Variants in LAMA3 observed in about 807,000 individuals in gnomAD.
LAMA3 encodes the protein laminin subunit alpha-3.
In LAMA3, 281 loss-of-function variants were observed where a neutral mutation model predicts 402.0. The observed-to-expected ratio is 0.70, with a 90% CI of 0.63 to 0.77. LAMA3 has a LOEUF of 0.77. Ranked by LOEUF, LAMA3 falls within the 30% of genes least tolerant of loss-of-function variation. LAMA3 has a pLI of 0.00. For synonymous variants in LAMA3, 1,431 were observed against 1,558.4 expected, an observed-to-expected ratio of 0.92 and a Z score of 1.93; for missense variants, 3,840 against 4,215.5, an observed-to-expected ratio of 0.91 and a Z score of 2.47.
intron 11 of LAMA3, among the ~76,000 whole-genome samples, chr18:23,778,398 G>A (rs2062367529): frequency 1.3e-5 from 2 of 152,134 alleles, no homozygotes. Context: ...AGAAACCCAA[G>A]CAAGGAAAAT....
intron 44 of LAMA3, 88 bp downstream of exon 44, chr18:23,895,146 C>T (rs2080837357): frequency 7.0e-7 from 1 of 1,433,996 alleles, no homozygotes; most frequent in African/African-American, 1.4e-5. Flanking sequence ...AAGGTTGACT[C>T]CTGGAAAGGC....
At chr18:23,812,202 C>G (rs1235709678) in intron 13 of LAMA3, among the ~76,000 whole-genome samples, 2 of 152,132 alleles carry the variant, frequency 1.3e-5, no homozygotes, top group Admixed American at 6.5e-5. Context: ...AATAACCGGG[C>G]ATGGTGGTGC....
chr18:23,750,976 C>A lies in LAMA3; in HGVS notation c.743C>A (p.Thr248Asn). The A allele has an allele frequency of 1.9e-6, 3 of 1,614,142 alleles. No individual in the cohort carries two copies. The highest frequency in any genetic ancestry group is 2.5e-6 in the Non-Finnish European group (3 of 1,179,998). Residue 248 changes from threonine (T) to asparagine (N), a missense_variant, in exon 5 of 75, where the codon ACC (threonine) becomes AAC (asparagine). By Grantham distance (65) the Thr-to-Asn change is moderately conservative. Coordinates refer to ENST00000313654, the MANE Select transcript of LAMA3 (RefSeq NM_198129.4). ...PGAKNFTFSH[T>N]LREFTKATNI... ...GCAAAAAATTTTACTTTCTCTCACA[C>A]CCTGAGGGAGTTTACCAAGGCAACA...
At chr18:23,886,423 T>A (rs1008319727) in intron 41 of LAMA3, among the ~76,000 whole-genome samples, 3 of 152,146 alleles carry the variant, frequency 2.0e-5, no homozygotes, top group Non-Finnish European at 4.4e-5. Context: ...GATTATTTCA[T>A]GTGATCCAGA....
intron 64 of LAMA3, 32 bp from the exon 65 acceptor site, chr18:23,931,030 T>G (rs751884969): frequency 6.3e-7 from 1 of 1,594,222 alleles, no homozygotes; most frequent in East Asian, 2.2e-5. Context: ...ATATGCAAAT[T>G]AGTTGATGGG....
chr18:23,855,369 G>A (rs2064049538), intron 32 of LAMA3, among the ~76,000 whole-genome samples: 1 of 152,188 alleles, frequency 6.6e-6, no homozygotes, highest in Non-Finnish European at 1.5e-5. Context: ...CTTCTGTTCT[G>A]AGGCTTCTCT....
At chr18:23,790,214 T>A (rs1318900004) in intron 12 of LAMA3, among the ~76,000 whole-genome samples, 1 of 152,172 alleles carries the variant, frequency 6.6e-6, no homozygotes, top group Non-Finnish European at 1.5e-5. Context: ...GGGCTATTCT[T>A]CTAAGGCTGA....
intron 66 of LAMA3, among the ~76,000 whole-genome samples, chr18:23,933,219 A>C (rs1173893883): frequency 6.6e-6 from 1 of 152,146 alleles, no homozygotes; most frequent in Non-Finnish European, 1.5e-5. Context: ...GTATTTCCAC[A>C]TGACACCCAT....
chr18:23,815,222 A>G lies in LAMA3; in HGVS notation c.1923A>G (p.Gly641=), dbSNP rs748523148. The change falls in exon 16 of 75, where the codon GGA becomes GGG. Residue 641 remains glycine, a synonymous_variant. Transcript: ENST00000313654. ...CKCHKAGTVS[G]TGECRQGDGD... ...GCCATAAGGCGGGAACAGTGAGTGG[A>G]ACTGGAGAGTGTAGGCAGGTAAAGT... is the stretch of plus-strand genomic sequence containing the variant. 1 of 1,614,144 alleles carries G rather than the reference A, an allele frequency of 6.2e-7. No homozygotes were observed. Among genetic ancestry groups the G allele is most frequent in the Non-Finnish European group, 8.5e-7 (1 of 1,179,982 alleles).
intron 35 of LAMA3, among the ~76,000 whole-genome samples, chr18:23,863,947 A>C (rs942834986): frequency 3.9e-5 from 6 of 152,222 alleles, no homozygotes; most frequent in Non-Finnish European, 8.8e-5. Flanking sequence ...CACCTGCTGG[A>C]GTTGTCAGCC....
At chr18:23,784,372 A>G (rs12958312) in intron 12 of LAMA3, among the ~76,000 whole-genome samples, 1 of 151,978 alleles carries the variant, frequency 6.6e-6, no homozygotes, top group South Asian at 2.1e-4. Context: ...AGTTAAGCAC[A>G]TGGACTCTGA....
intron 39 of LAMA3, among the ~76,000 whole-genome samples, chr18:23,881,208 T>C (rs1204825289): frequency 6.6e-6 from 1 of 152,198 alleles, no homozygotes; most frequent in Non-Finnish European, 1.5e-5. Context: ...GAAGAACAAA[T>C]TTCATTAGAC....
chr18:23,863,690 C>T lies in LAMA3; in HGVS notation c.4585-1095C>T, dbSNP rs368414334. On this transcript the variant is annotated intron_variant, in intron 35 of 74. Transcript: ENST00000313654. ...TCTGTTGAATGGGATCCTAGAAGAGCGTGGCTTCTTTCCCCTGCCTGCTCT... is the reference window on the plus strand; with the variant it reads ...TCTGTTGAATGGGATCCTAGAAGAGTGTGGCTTCTTTCCCCTGCCTGCTCT... 8.9e-4 allele frequency among the ~76,000 whole-genome samples: 136 copies of T among 152,296 alleles called. 4 individuals are homozygous for T. In the South Asian group the frequency reaches 0.025, roughly 27 times the overall value.
chr18:23,838,882 A>ACACATTACCTTTGAT lies in LAMA3; in HGVS notation c.3191+4_3191+5insCACATTACCTTTGAT. ...ATGGGCGATTTGTCAATCAAAGGTAATGTGTTTCCTTCCTGTCTCCCCGTT... is the reference window on the plus strand; with the variant it reads ...ATGGGCGATTTGTCAATCAAAGGTAACACATTACCTTTGATTGTGTTTCCTTCCTGTCTCCCCGTT... On this transcript the variant is annotated splice_donor_region_variant and intron_variant, in intron 26 of 74. Transcript: ENST00000313654. 6.4e-7 allele frequency: 1 copy of ACACATTACCTTTGAT among 1,561,678 alleles called. No homozygotes were observed. Among genetic ancestry groups the ACACATTACCTTTGAT allele is most frequent in the Non-Finnish European group, 8.8e-7 (1 of 1,132,106 alleles).
At chr18:23,690,021 C>T in intron 1 of LAMA3, 44 bp downstream of exon 1, 15 of 1,336,962 alleles carry the variant, frequency 1.1e-5, no homozygotes, top group Non-Finnish European at 6.8e-6. Flanking sequence ...CCTTTTCCTT[C>T]CCGCGCCGGC....
At chr18:23,885,828 G>C (rs560772626) in intron 41 of LAMA3, among the ~76,000 whole-genome samples, 12 of 152,010 alleles carry the variant, frequency 7.9e-5, no homozygotes, top group African/African-American at 2.9e-4. Context: ...GCACTCAAAC[G>C]CTTTCACATA....
chr18:23,799,811 G>A (rs1008764819), intron 12 of LAMA3, among the ~76,000 whole-genome samples: 5 of 152,202 alleles, frequency 3.3e-5, no homozygotes, highest in African/African-American at 9.6e-5. Context: ...TCTGAAATCC[G>A]TAGGTTGGAC....
chr18:23,876,618 G>C (rs576846340), intron 39 of LAMA3, among the ~76,000 whole-genome samples: 1 of 152,348 alleles, frequency 6.6e-6, no homozygotes, highest in African/African-American at 2.4e-5. Context: ...GAGCGCTGCT[G>C]TCTGAGCAAT....
intron 16 of LAMA3, 112 bp downstream of exon 16, chr18:23,815,352 C>A: frequency 1.5e-6 from 2 of 1,352,760 alleles, no homozygotes; most frequent in Non-Finnish European, 2.1e-6. Flanking sequence ...CATGGTAATC[C>A]TTTCCAGATC....
Sources: allele counts gnomAD v4.1 joint callset (sites outside exome capture counted in the v4.1 genomes callset), GRCh38; gene constraint gnomAD v4.1.1; transcripts MANE v1.5; gene names NCBI Gene and HGNC (gene_info 2026-07-23, HGNC 2026-07-21).